The following FOXP1 variants were observed in gnomAD, a reference collection of about 807,000 sequenced individuals.
FOXP1 encodes forkhead box protein P1.
In FOXP1, 15 loss-of-function variants were observed where a neutral mutation model predicts 98.2. The ratio of observed to expected loss-of-function variants is 0.15; its 90% CI spans 0.10 to 0.24. The LOEUF is 0.24. Among genes scored for constraint, FOXP1 ranks in the 10% least tolerant of loss-of-function variants. The pLI is 1.00. For synonymous variants in FOXP1, 371 were observed against 314.5 expected (o/e 1.18, Z -1.90); for missense variants, 633 against 848.5 (o/e 0.75, Z 3.15).
At chr3:71,174,412 T>C (rs1311742207) in intron 6 of FOXP1, among the ~76,000 whole-genome samples, 1 of 152,066 alleles carries the variant, frequency 6.6e-6, no homozygotes, top group African/African-American at 2.4e-5. Context: ...CACGGCAAGA[T>C]CCTGTCTCAA....
At position 71,237,759 on chromosome 3, in the gene FOXP1, A is replaced by T. The variant is rs528585701; in HGVS notation, c.-11-39367T>A. On this transcript the variant is annotated intron_variant, in intron 5 of 20. Coordinates refer to ENST00000649528, the MANE Select transcript of FOXP1 (RefSeq NM_001349338.3). The stretch of plus-strand genomic sequence containing the variant: ...TGGGGATATGTGTAAACACATATGG[A>T]CCCACATATCTATAAGTTCCACAGC... 1.1e-4 allele frequency among the ~76,000 whole-genome samples: 16 copies of T among 152,338 alleles called. No homozygotes were observed. In the East Asian group the frequency reaches 2.9e-3, roughly 28 times the overall value.
intron 2 of FOXP1, among the ~76,000 whole-genome samples, chr3:71,522,657 C>T (rs1255156979): frequency 3.9e-5 from 6 of 152,186 alleles, no homozygotes; most frequent in African/African-American, 1.2e-4. Flanking sequence ...GAGACCATAA[C>T]TCAGACCGTT....
intron 3 of FOXP1, among the ~76,000 whole-genome samples, chr3:71,413,266 A>ACACACACACC (rs1426170575): frequency 3.5e-4 from 40 of 113,826 alleles, no homozygotes; most frequent in Non-Finnish European, 6.4e-4. Context: ...ATAGACACAC[A>ACACACACACC]CACACACACA....
chr3:71,518,368 T>C (rs2042731060), intron 2 of FOXP1, among the ~76,000 whole-genome samples: 1 of 152,198 alleles, frequency 6.6e-6, no homozygotes, highest in South Asian at 2.1e-4. Context: ...CTTATTTGCT[T>C]AAAAATGTGA....
chr3:71,417,628 T>C (rs2083314711), intron 3 of FOXP1, among the ~76,000 whole-genome samples: 1 of 151,934 alleles, frequency 6.6e-6, no homozygotes, highest in African/African-American at 2.4e-5. Flanking sequence ...GAGACAAAAA[T>C]TGACTATATT....
rs367926068 is a variant in FOXP1 at position 71,025,874 on chromosome 3, T to G, written c.870-10221A>C. 3.3e-5 allele frequency among the ~76,000 whole-genome samples: 5 copies of G among 152,206 alleles called. No individual in the cohort carries two copies. In the South Asian group the frequency reaches 8.3e-4, roughly 25 times the overall value. ...TGCTTTAAGTATCTTCTAAGCCTGG[T>G]TCATATCCCTGAGGATGTATGTGAG... On this transcript the variant is annotated intron_variant, in intron 11 of 20. Coordinates refer to ENST00000649528, the MANE Select transcript of FOXP1 (RefSeq NM_001349338.3).
chr3:71,202,175 G>A (rs545946806), intron 5 of FOXP1, among the ~76,000 whole-genome samples: 41 of 152,342 alleles, frequency 2.7e-4, no homozygotes, highest in Middle Eastern at 3.4e-3. Flanking sequence ...TACAAGTTTT[G>A]CAGGCATCAA....
chr3:71,543,815 C>A (rs2045097429), intron 2 of FOXP1, among the ~76,000 whole-genome samples: 1 of 152,186 alleles, frequency 6.6e-6, no homozygotes, highest in Non-Finnish European at 1.5e-5. Flanking sequence ...CTTTCAAATA[C>A]AACTAACAAA....
chr3:71,411,289 G>A (rs1206247913), intron 3 of FOXP1, among the ~76,000 whole-genome samples: 1 of 121,278 alleles, frequency 8.2e-6, no homozygotes, highest in African/African-American at 3.0e-5. Flanking sequence ...GTGTGTGTGT[G>A]TGTGTGTGTG....
At chr3:71,218,562 A>C (rs1388386652) in intron 5 of FOXP1, among the ~76,000 whole-genome samples, 2 of 152,130 alleles carry the variant, frequency 1.3e-5, no homozygotes, top group Non-Finnish European at 2.9e-5. Flanking sequence ...AAAACTCTTA[A>C]AGCAGGGGTC....
At chr3:71,025,409 A>T (rs1219351248) in intron 11 of FOXP1, among the ~76,000 whole-genome samples, 1 of 152,150 alleles carries the variant, frequency 6.6e-6, no homozygotes, top group Non-Finnish European at 1.5e-5. Flanking sequence ...AGTACCAAGG[A>T]TCTTGGGTGT....
At chr3:71,077,966 G>A (rs1222870845) in intron 7 of FOXP1, among the ~76,000 whole-genome samples, 2 of 152,044 alleles carry the variant, frequency 1.3e-5, no homozygotes, top group South Asian at 2.1e-4. Flanking sequence ...CCGAGTAACT[G>A]CGATTATAGG....
chr3:70,970,215 C>T (rs1401720770), intron 19 of FOXP1: 1 of 165,918 alleles, frequency 6.0e-6, no homozygotes, highest in Non-Finnish European at 1.3e-5. Context: ...TTCTTAAACA[C>T]CTCTATTGTT....
At chr3:71,205,590 C>A (rs1246583367) in intron 5 of FOXP1, among the ~76,000 whole-genome samples, 1 of 152,114 alleles carries the variant, frequency 6.6e-6, no homozygotes, top group Non-Finnish European at 1.5e-5. Flanking sequence ...CATTCCAGGT[C>A]TCAGGTGAGT....
At chr3:71,370,983 G>A (rs374044026) in intron 3 of FOXP1, among the ~76,000 whole-genome samples, 3 of 151,582 alleles carry the variant, frequency 2.0e-5, no homozygotes, top group South Asian at 2.1e-4. Context: ...TTTAGTAGAC[G>A]CTAGGCTGGT....
Position 70,959,190 on chromosome 3 carries a change from GTTT to G in FOXP1, c.*54_*56del. 14 of 1,299,144 alleles carry G rather than the reference GTTT, an allele frequency of 1.1e-5. No individual in the cohort carries two copies. The highest frequency in any genetic ancestry group is 2.4e-5 in the East Asian group (1 of 41,506). The allele number at this position is 1,299,144 out of a possible 1,614,324, so 80.5% of individuals were successfully genotyped here. Reference sequence around the variant, plus strand: ...CAATTTCACTGCTAACTTTTGACGTGTTTTTTTTTTTTTCCTTTTTCCAATCTT... The same window carrying G: ...CAATTTCACTGCTAACTTTTGACGTGTTTTTTTTTTCCTTTTTCCAATCTT... On this transcript the variant is annotated 3_prime_UTR_variant, in exon 21 of 21. Coordinates refer to ENST00000649528, the MANE Select transcript of FOXP1 (RefSeq NM_001349338.3).
chr3:71,575,559 C>G lies in FOXP1; in HGVS notation c.-298+5990G>C, dbSNP rs544755086. 2.0e-5 allele frequency among the ~76,000 whole-genome samples: 3 copies of G among 152,278 alleles called. No homozygotes were observed. The South Asian group carries it at 6.2e-4, about 32-fold the overall frequency. On this transcript the variant is annotated intron_variant, in intron 2 of 20. Transcript: ENST00000649528. Reference sequence around the variant, plus strand: ...AACCTCCCTTCACTTCAGACATGAGCATTCACTTCCATCTCTGTGCTCACC... The same window carrying G: ...AACCTCCCTTCACTTCAGACATGAGGATTCACTTCCATCTCTGTGCTCACC...
intron 3 of FOXP1, among the ~76,000 whole-genome samples, chr3:71,406,023 C>A (rs1238380649): frequency 6.6e-6 from 1 of 152,152 alleles, no homozygotes. Flanking sequence ...AGCCACCACG[C>A]CCAGCCAGGC....
intron 3 of FOXP1, among the ~76,000 whole-genome samples, chr3:71,492,592 T>G (rs947207325): frequency 6.6e-6 from 1 of 152,192 alleles, no homozygotes; most frequent in African/African-American, 2.4e-5. Flanking sequence ...CTTCCAATAC[T>G]ACTGCACTAA....
Sources: gnomAD v4.1 joint callset for allele counts (sites outside exome capture counted in the v4.1 genomes callset) on GRCh38, gnomAD v4.1.1 for gene constraint, MANE v1.5 for transcripts, NCBI Gene and HGNC (gene_info 2026-07-23, HGNC 2026-07-21) for gene names.